The following FRMPD4 variants were observed in gnomAD, a reference collection of about 807,000 sequenced individuals.
FRMPD4 encodes the protein FERM and PDZ domain containing 4.
FRMPD4 carries 22 observed loss-of-function variants against 94.1 expected under a neutral mutation model. That is an observed-to-expected ratio of 0.23 (90% CI 0.17 to 0.33). The LOEUF is 0.33. Among genes scored for constraint, FRMPD4 ranks in the 10% least tolerant of loss-of-function variants. The pLI is 1.00. For missense variants in FRMPD4, 1,111 were observed against 1,339.9 expected (o/e 0.83, Z 2.67); for synonymous variants, 631 against 548.6 (o/e 1.15, Z -2.10).
chrX:12,496,591 C>T (rs1008326260), intron 1 of FRMPD4, among the ~76,000 whole-genome samples: 6 of 112,203 alleles, frequency 5.3e-5, no homozygotes, highest in Non-Finnish European at 9.4e-5. Flanking sequence ...TCTGCAATTA[C>T]GACCTGTGTC....
At position 12,578,538 on chromosome X, in the gene FRMPD4, C is replaced by A. The variant is rs189272189; in HGVS notation, c.159-31183C>A. Among the ~76,000 whole-genome samples the A allele has an allele frequency of 1.2e-3, 127 of 103,724 alleles. 1 individual carries two copies. Among genetic ancestry groups the A allele is most frequent in the Non-Finnish European group, 2.0e-3 (102 of 51,326 alleles). The allele number at this position is 103,724 out of a possible 115,157, so 90.1% of individuals were successfully genotyped here. On this transcript the variant is annotated intron_variant, in intron 2 of 16. Coordinates refer to ENST00000675598, the MANE Select transcript of FRMPD4 (RefSeq NM_001368397.1). ...TATTGTATAATTATAAATGTCTACA[C>A]CTAACTTGTATTCTGAGATATATAT...
Position 12,278,468 on chromosome X carries a change from C to G in FRMPD4, c.41+139456C>G, listed in dbSNP as rs182801448. 4.4e-5 allele frequency among the ~76,000 whole-genome samples: 5 copies of G among 112,366 alleles called. No homozygotes were observed. The East Asian group carries it at 1.4e-3, about 31-fold the overall frequency. On this transcript the variant is annotated intron_variant, in intron 1 of 16. Coordinates refer to ENST00000675598, the MANE Select transcript of FRMPD4 (RefSeq NM_001368397.1). ...CACTCATTTATTAAGCCCATTCAGTCTGAAAGCTTTTTTCTCATCCAGCCA... is the reference window on the plus strand; with the variant it reads ...CACTCATTTATTAAGCCCATTCAGTGTGAAAGCTTTTTTCTCATCCAGCCA...
chrX:12,174,516 A>G (rs2056268738), intron 1 of FRMPD4, among the ~76,000 whole-genome samples: 1 of 111,596 alleles, frequency 9.0e-6, no homozygotes, highest in South Asian at 3.8e-4. Flanking sequence ...TTTTAAACAT[A>G]TTTTCAAATC....
chrX:12,478,066 G>A (rs2057626310), intron 1 of FRMPD4, among the ~76,000 whole-genome samples: 1 of 112,260 alleles, frequency 8.9e-6, no homozygotes, highest in Admixed American at 9.4e-5. Flanking sequence ...CTGTGCCCTT[G>A]CAACACCTGG....
At chrX:11,846,323 G>A (rs1270250748) in intron 1 of FRMPD4, among the ~76,000 whole-genome samples, 1 of 107,838 alleles carries the variant, frequency 9.3e-6, no homozygotes, top group East Asian at 2.9e-4. Context: ...CAACTTACAA[G>A]GGACGTGAAG....
intron 3 of FRMPD4, among the ~76,000 whole-genome samples, chrX:12,124,928 G>A (rs751009148): frequency 5.4e-5 from 6 of 111,987 alleles, no homozygotes; most frequent in African/African-American, 1.9e-4. Context: ...CTACTGCCAA[G>A]CCCACTGCTC....
intron 4 of FRMPD4, among the ~76,000 whole-genome samples, chrX:12,647,470 T>C (rs2059558463): frequency 9.0e-6 from 1 of 111,287 alleles, no homozygotes; most frequent in Non-Finnish European, 1.9e-5. Context: ...GAATGAGGAC[T>C]CCTCTGTGGG....
chrX:11,971,406 G>A (rs1438903490), intron 3 of FRMPD4, among the ~76,000 whole-genome samples: 1 of 112,613 alleles, frequency 8.9e-6, no homozygotes, highest in Non-Finnish European at 1.9e-5. Flanking sequence ...ACACATATTT[G>A]TATAAATTTA....
intron 3 of FRMPD4, among the ~76,000 whole-genome samples, chrX:11,918,519 G>A (rs1480619932): frequency 8.9e-6 from 1 of 112,498 alleles, no homozygotes; most frequent in Non-Finnish European, 1.9e-5. Flanking sequence ...TGGGAGAATC[G>A]CTTGAAACTG....
chrX:12,074,059 T>C (rs2054992272), intron 3 of FRMPD4, among the ~76,000 whole-genome samples: 1 of 112,375 alleles, frequency 8.9e-6, no homozygotes, highest in African/African-American at 3.2e-5. Flanking sequence ...TGTAGGGTTC[T>C]TTATAAAATC....
At chrX:11,852,195 A>G (rs2053627110) in intron 1 of FRMPD4, among the ~76,000 whole-genome samples, 1 of 110,687 alleles carries the variant, frequency 9.0e-6, no homozygotes, top group East Asian at 2.8e-4. Context: ...TAGCCACTTT[A>G]TGCTTACTAA....
At chrX:12,356,900 T>G (rs780375158) in intron 1 of FRMPD4, among the ~76,000 whole-genome samples, 9 of 112,083 alleles carry the variant, frequency 8.0e-5, no homozygotes, top group African/African-American at 2.9e-4. Flanking sequence ...GTTCTCAGAA[T>G]ATTCTTCCCC....
chrX:12,165,955 G>C (rs1226883962), intron 1 of FRMPD4, among the ~76,000 whole-genome samples: 1 of 111,492 alleles, frequency 9.0e-6, no homozygotes, highest in African/African-American at 3.3e-5. Flanking sequence ...TTTGGGCTGA[G>C]ACAATGGGGT....
intron 16 of FRMPD4, 62 bp downstream of exon 16, chrX:12,718,852 C>A: frequency 1.4e-6 from 1 of 724,270 alleles, no homozygotes; most frequent in Non-Finnish European, 2.1e-6. Flanking sequence ...ACCATATTTA[C>A]AACAAACTTA....
At chrX:12,628,043 A>G (rs1382678431) in intron 4 of FRMPD4, among the ~76,000 whole-genome samples, 5 of 111,640 alleles carry the variant, frequency 4.5e-5, no homozygotes, top group African/African-American at 6.5e-5. Context: ...ACCAAAGTAT[A>G]AACCTTATTG....
chrX:12,346,272 T>C (rs1268112687), intron 1 of FRMPD4, among the ~76,000 whole-genome samples: 2 of 97,959 alleles, frequency 2.0e-5, no homozygotes, highest in East Asian at 5.8e-4. Context: ...TGATAGTGTT[T>C]TGCAGGAAAA....
At position 11,871,831 on chromosome X, in the gene FRMPD4, G is replaced by A. The variant is rs188627585; in HGVS notation, c.-29-6064G>A. Among the ~76,000 whole-genome samples the A allele has an allele frequency of 5.4e-5, 6 of 111,776 alleles. No homozygotes were observed. In the East Asian group the frequency reaches 1.7e-3, roughly 31 times the overall value. The stretch of plus-strand genomic sequence containing the variant: ...TGAATAAGGAATTATCAATTTAGTG[G>A]GCTTGCTCAGGGAGACAAAAACAAG... On this transcript the variant is annotated intron_variant, in intron 2 of 18. Transcript: ENST00000640291.
chrX:12,052,101 GAT>G (rs1488410035), intron 3 of FRMPD4, among the ~76,000 whole-genome samples: 1 of 111,627 alleles, frequency 9.0e-6, no homozygotes, highest in Non-Finnish European at 1.9e-5. Context: ...AACCATATGA[GAT>G]ATGTCTAATA....
intron 1 of FRMPD4, among the ~76,000 whole-genome samples, chrX:12,148,926 G>A (rs1340675407): frequency 8.9e-6 from 1 of 112,109 alleles, no homozygotes. Context: ...TAAGCACACT[G>A]TTGAGACTTA....
Sources: allele counts gnomAD v4.1 joint callset (sites outside exome capture counted in the v4.1 genomes callset), GRCh38; gene constraint gnomAD v4.1.1; transcripts MANE v1.5; gene names NCBI Gene and HGNC (gene_info 2026-07-23, HGNC 2026-07-21).